Variants in NAV1 observed in about 807,000 individuals in gnomAD.
NAV1 encodes pore membrane and/or filament interacting like protein 3.
NAV1 carries 18 observed loss-of-function variants against 175.2 expected under a neutral mutation model. That is an observed-to-expected ratio of 0.10 (90% CI 0.07 to 0.15). NAV1 has a LOEUF of 0.15. Among genes scored for constraint, NAV1 ranks in the 10% least tolerant of loss-of-function variants. NAV1 has a pLI of 1.00. For missense variants in NAV1, 1,731 were observed against 2,436.6 expected, an observed-to-expected ratio of 0.71 and a Z score of 6.10; for synonymous variants, 897 against 978.7, an observed-to-expected ratio of 0.92 and a Z score of 1.56.
In NAV1 at chr1:201,788,504, G is replaced by A. The variant is rs1676911723; in HGVS notation, c.3032G>A (p.Arg1011His). ...GCGGCCACCACGCCAAGAATCACCC[G>A]CTCCAACAGCATCCCCACCCACGAG... Residue 1011 changes from arginine (R) to histidine (H), a missense_variant, in exon 10 of 30, where the codon CGC becomes CAC. Physicochemically the swap from Arg to His is conservative, Grantham distance 29. Coordinates refer to ENST00000367296, the Ensembl canonical transcript of NAV1. The surrounding 1 kb of genome is among the most constrained non-coding windows in gnomAD (Gnocchi z 5.7). 9 of 1,613,934 alleles carry A rather than the reference G, an allele frequency of 5.6e-6. No individual in the cohort carries two copies. Among genetic ancestry groups the A allele is most frequent in the South Asian group, 1.1e-5 (1 of 91,072 alleles).
At chr1:201,595,481 C>G (rs1667324614) in intron 2 of NAV1, among the ~76,000 whole-genome samples, 1 of 152,240 alleles carries the variant, frequency 6.6e-6, no homozygotes, top group Non-Finnish European at 1.5e-5. Flanking sequence ...TCCTGGAAGC[C>G]TCCTCCCTCC....
At position 201,718,996 on chromosome 1, in the gene NAV1, C is replaced by T. The variant is rs1185178496; in HGVS notation, c.1226+241C>T. Reference sequence around the variant, plus strand: ...AGGAGCTGATTGGTCAATGAAGGCGCCTCCCTCTCATTGGTCTCTGTGGCT... The same window carrying T: ...AGGAGCTGATTGGTCAATGAAGGCGTCTCCCTCTCATTGGTCTCTGTGGCT... On this transcript the variant is annotated intron_variant, in intron 3 of 29. Transcript: ENST00000367296. The surrounding 1 kb of genome is among the most constrained non-coding windows in gnomAD (Gnocchi z 4.8). Among the ~76,000 whole-genome samples, 3 of 151,862 alleles carry T rather than the reference C, an allele frequency of 2.0e-5. No individual in the cohort carries two copies. Among genetic ancestry groups the T allele is most frequent in the Non-Finnish European group, 1.5e-5 (1 of 67,964 alleles).
intron 3 of NAV1, among the ~76,000 whole-genome samples, chr1:201,774,881 T>A (rs998454943): frequency 6.4e-4 from 98 of 152,054 alleles, no homozygotes; most frequent in Non-Finnish European, 2.1e-4. Context: ...AGTGATGAGA[T>A]CATGGGAAGC....
chr1:201,556,996 C>T (rs1163239419), intron 1 of NAV1, among the ~76,000 whole-genome samples: 1 of 152,126 alleles, frequency 6.6e-6, no homozygotes, highest in East Asian at 1.9e-4. Context: ...TCCCGGGAAC[C>T]CTGACTCCAT....
chr1:201,808,027 G>A lies in NAV1; in HGVS notation c.3723G>A (p.Glu1241=). ...CAGCTTCCTCATACTCGGATATAGA[G>A]GAGATTGCTACACCCGACTCTTCAG... The change falls in exon 18 of 30, where the codon GAG becomes GAA. Residue 1241 remains glutamate, a synonymous_variant. Coordinates refer to ENST00000367296, the Ensembl canonical transcript of NAV1. This position sits in a 1 kb window ranked among gnomAD's most constrained non-coding sequence, Gnocchi z 5.5. The A allele has an allele frequency of 6.2e-7, 1 of 1,614,156 alleles. No homozygotes were observed. The highest frequency in any genetic ancestry group is 8.5e-7 in the Non-Finnish European group (1 of 1,180,032).
At chr1:201,599,515 C>T (rs1288846377) in intron 2 of NAV1, among the ~76,000 whole-genome samples, 1 of 152,198 alleles carries the variant, frequency 6.6e-6, no homozygotes, top group Non-Finnish European at 1.5e-5. Context: ...GAGGTCCTGA[C>T]CCACAGGTGG....
intron 15 of NAV1, among the ~76,000 whole-genome samples, chr1:201,802,875 C>T (rs1678028706): frequency 1.3e-5 from 2 of 152,220 alleles, no homozygotes; most frequent in East Asian, 1.9e-4. Context: ...TGTACCCCCA[C>T]ATGTGCCCTC....
chr1:201,756,408 C>A (rs1218361219), intron 3 of NAV1, among the ~76,000 whole-genome samples: 2 of 152,148 alleles, frequency 1.3e-5, no homozygotes, highest in East Asian at 3.8e-4. Context: ...TGGAGCAAAA[C>A]CATTTTACCA....
At chr1:201,821,773 G>T (rs1236034242) in exon 30 of NAV1, 1 of 152,168 alleles carries the variant, frequency 6.6e-6, no homozygotes, top group Non-Finnish European at 1.5e-5. Flanking sequence ...TGCTTGTCAG[G>T]AATGGGCAAG....
intron 1 of NAV1, among the ~76,000 whole-genome samples, chr1:201,709,597 C>T (rs1026780991): frequency 6.6e-6 from 1 of 151,778 alleles, no homozygotes; most frequent in African/African-American, 2.4e-5. Context: ...GGCCCCAACC[C>T]TCCAGACCCA....
chr1:201,711,745 C>A (rs1409666364), intron 1 of NAV1, among the ~76,000 whole-genome samples: 4 of 152,266 alleles, frequency 2.6e-5, no homozygotes, highest in African/African-American at 9.6e-5. Context: ...CTTTAGGTTC[C>A]AAAATGAAAG....
Position 201,807,936 on chromosome 1 carries a change from G to C in NAV1, c.3649-17G>C, listed in dbSNP as rs1678407793. On this transcript the variant is annotated splice_polypyrimidine_tract_variant and intron_variant, in intron 17 of 29. Transcript: ENST00000367296. The surrounding 1 kb of genome is among the most constrained non-coding windows in gnomAD (Gnocchi z 5.4). Reference sequence around the variant, plus strand: ...TGGAGTCCTAATGTCCCTCTACCTGGATCTGCTTTTTTCTAGCTTCGAAGT... The same window carrying C: ...TGGAGTCCTAATGTCCCTCTACCTGCATCTGCTTTTTTCTAGCTTCGAAGT... 1 of 1,613,788 alleles carries C rather than the reference G, an allele frequency of 6.2e-7. No homozygotes were observed. The highest frequency in any genetic ancestry group is 8.5e-7 in the Non-Finnish European group (1 of 1,179,888).
chr1:201,742,678 C>T (rs1369506597), intron 3 of NAV1, among the ~76,000 whole-genome samples: 1 of 152,196 alleles, frequency 6.6e-6, no homozygotes, highest in Non-Finnish European at 1.5e-5. Context: ...TCGCTCACTA[C>T]GGTTGCCTCA....
At chr1:201,602,270 C>G (rs1188091404) in intron 2 of NAV1, among the ~76,000 whole-genome samples, 2 of 152,152 alleles carry the variant, frequency 1.3e-5, no homozygotes, top group Non-Finnish European at 2.9e-5. Context: ...AGAATTGGAC[C>G]CCACTGGGCC....
At chr1:201,748,067 C>T (rs1673883498) in intron 3 of NAV1, among the ~76,000 whole-genome samples, 1 of 152,220 alleles carries the variant, frequency 6.6e-6, no homozygotes, top group Non-Finnish European at 1.5e-5. Flanking sequence ...GGAAAGGCGG[C>T]TCTCTGAGTG....
chr1:201,641,844 G>A (rs1412732108), intron 2 of NAV1, among the ~76,000 whole-genome samples: 1 of 152,130 alleles, frequency 6.6e-6, no homozygotes, highest in Non-Finnish European at 1.5e-5. Flanking sequence ...CCTGGAGGAA[G>A]CCAAGTATGG....
intron 1 of NAV1, among the ~76,000 whole-genome samples, chr1:201,688,922 G>A (rs553147661): frequency 5.9e-5 from 9 of 152,210 alleles, no homozygotes; most frequent in Non-Finnish European, 1.3e-4. Flanking sequence ...TACTAGACGT[G>A]TTGCCTGCTC....
chr1:201,811,020 T>C (rs1021577101), intron 24 of NAV1, among the ~76,000 whole-genome samples: 1 of 152,168 alleles, frequency 6.6e-6, no homozygotes, highest in African/African-American at 2.4e-5. Context: ...AAGGCTTTCC[T>C]CTCCACACTT....
At chr1:201,563,312 G>A (rs988411100) in intron 1 of NAV1, among the ~76,000 whole-genome samples, 4 of 152,122 alleles carry the variant, frequency 2.6e-5, no homozygotes, top group Admixed American at 6.5e-5. Flanking sequence ...CAGAGGGGGC[G>A]TTAACTCGTC....
Sources: allele counts gnomAD v4.1 joint callset (sites outside exome capture counted in the v4.1 genomes callset), GRCh38; gene constraint gnomAD v4.1.1; non-coding constraint Gnocchi (gnomAD v3.1); transcripts MANE v1.5; gene names NCBI Gene and HGNC (gene_info 2026-07-23, HGNC 2026-07-21).